GYS2: variants seen among roughly 807,000 people sequenced by gnomAD.
The protein encoded by GYS2 is glycogen [starch] synthase, liver.
GYS2 carries 80 observed loss-of-function variants against 85.6 expected under a neutral mutation model. The observed-to-expected ratio is 0.93, with a 90% confidence interval of 0.78 to 1.13. The LOEUF (loss-of-function observed/expected upper bound fraction) is 1.13, where lower values mean the gene tolerates loss of function less well. GYS2 is among the 50% of genes most tolerant of loss of function. The pLI is 0.00. For missense variants in GYS2, 881 were observed against 854.9 expected, an observed-to-expected ratio of 1.03 and a Z score of -0.38; for synonymous variants, 328 against 300.7, an observed-to-expected ratio of 1.09 and a Z score of -0.94.
chr12:21,556,357 G>A (rs1159338680), intron 11 of GYS2, among the ~76,000 whole-genome samples: 7 of 152,076 alleles, frequency 4.6e-5, no homozygotes, highest in Non-Finnish European at 7.4e-5. Context: ...TTTTTGTAGA[G>A]ACAGGGTTTC....
intron 15 of GYS2, among the ~76,000 whole-genome samples, chr12:21,538,078 A>G (rs917040989): frequency 4.6e-5 from 7 of 152,194 alleles, no homozygotes; most frequent in Non-Finnish European, 8.8e-5. Context: ...ATTAGACGTA[A>G]TAACTGGATA....
intron 1 of GYS2, among the ~76,000 whole-genome samples, chr12:21,594,868 A>G (rs1029271053): frequency 1.3e-5 from 2 of 152,210 alleles, no homozygotes; most frequent in Non-Finnish European, 2.9e-5. Context: ...ATAGGAACCT[A>G]AACAGCATGA....
chr12:21,568,799 A>T, intron 5 of GYS2, 66 bp downstream of exon 5: 1 of 1,439,324 alleles, frequency 6.9e-7, no homozygotes, highest in Non-Finnish European at 9.8e-7. Flanking sequence ...CACGATGGAA[A>T]ACAAAATCCT....
At chr12:21,584,208 C>T (rs994432478) in intron 1 of GYS2, among the ~76,000 whole-genome samples, 1 of 152,076 alleles carries the variant, frequency 6.6e-6, no homozygotes, top group African/African-American at 2.4e-5. Flanking sequence ...GCCAGATTTG[C>T]GATTATATAC....
At chr12:21,559,262 T>C (rs1166911732) in intron 9 of GYS2, 93 bp from the exon 10 acceptor site, 3 of 648,838 alleles carry the variant, frequency 4.6e-6, no homozygotes, top group Non-Finnish European at 8.1e-6. Context: ...ATATTTCATG[T>C]ATTTTAATAA....
At chr12:21,572,998 C>A (rs1480573643) in intron 4 of GYS2, among the ~76,000 whole-genome samples, 2 of 152,160 alleles carry the variant, frequency 1.3e-5, no homozygotes, top group African/African-American at 4.8e-5. Context: ...CCGCTAAGAA[C>A]CTCCCAGATC....
chr12:21,583,449 G>T (rs1313005175), intron 1 of GYS2, among the ~76,000 whole-genome samples: 1 of 152,196 alleles, frequency 6.6e-6, no homozygotes, highest in Non-Finnish European at 1.5e-5. Flanking sequence ...CCAAAAGGCT[G>T]CCAGTTTTGA....
rs73085391 is a variant in GYS2, at chr12:21,572,403, A to G, written c.678+1741T>C. On this transcript the variant is annotated intron_variant, in intron 4 of 15. Transcript: ENST00000261195. ...TGGTTCCTGCATCAAAGATTAAACT[A>G]TGACTTCTTCCTTATACTGAAATTT... Among the ~76,000 whole-genome samples the G allele has an allele frequency of 3.0e-3, 453 of 152,344 alleles. 1 individual carries two copies. The highest frequency in any genetic ancestry group is 5.2e-3 in the Non-Finnish European group (355 of 68,032).
At chr12:21,573,159 G>A (rs996132215) in intron 4 of GYS2, among the ~76,000 whole-genome samples, 3 of 152,154 alleles carry the variant, frequency 2.0e-5, no homozygotes, top group Admixed American at 6.5e-5. Context: ...CAGAAAGAAC[G>A]TTCTTGCGCT....
intron 1 of GYS2, among the ~76,000 whole-genome samples, chr12:21,587,403 G>A (rs1944586351): frequency 6.6e-6 from 1 of 152,192 alleles, no homozygotes; most frequent in South Asian, 2.1e-4. Context: ...TTGTGGGAGG[G>A]ATTTGGAGGG....
chr12:21,542,370 C>A (rs1254693189), intron 13 of GYS2, 126 bp downstream of exon 13: 4 of 732,758 alleles, frequency 5.5e-6, no homozygotes, highest in African/African-American at 5.3e-5. Flanking sequence ...TTTAATTAAA[C>A]AAGAAATATA....
downstream of GYS2, among the ~76,000 whole-genome samples, chr12:21,535,553 C>A (rs896288402): frequency 6.6e-6 from 1 of 152,168 alleles, no homozygotes; most frequent in Non-Finnish European, 1.5e-5. Context: ...TTCCAGCTAT[C>A]TTCCATTTTT....
intron 1 of GYS2, among the ~76,000 whole-genome samples, chr12:21,599,720 C>T (rs1215463985): frequency 2.6e-5 from 4 of 152,146 alleles, no homozygotes; most frequent in African/African-American, 9.7e-5. Flanking sequence ...ATTGAAGTAA[C>T]ATTGATGTAT....
chr12:21,549,423 CA>C (rs1944080230), intron 11 of GYS2, among the ~76,000 whole-genome samples: 1 of 152,180 alleles, frequency 6.6e-6, no homozygotes, highest in Non-Finnish European at 1.5e-5. Flanking sequence ...TAATCTTACA[CA>C]AACATAAAAG....
chr12:21,536,993 A>G lies in GYS2; in HGVS notation c.2073T>C (p.Pro691=), dbSNP rs376999864. 37 of 1,613,846 alleles carry G rather than the reference A, an allele frequency of 2.3e-5. No individual in the cohort carries two copies. Among genetic ancestry groups the G allele is most frequent in the Non-Finnish European group, 3.0e-5 (35 of 1,179,862 alleles). Reference sequence around the variant, plus strand: ...CACCATGCAGCTTTTTCTTCCCATGAGGAACGTGGCTCAGTGAAAATGGTG... The same window carrying G: ...CACCATGCAGCTTTTTCTTCCCATGGGGAACGTGGCTCAGTGAAAATGGTG... ...IKSPFSLSHV[P]HGKKKLHGEY... is the part of the protein sequence containing the mutation. The change falls in exon 16 of 16, where the codon CCT becomes CCC. Residue 691 remains proline (P), a synonymous_variant. Transcript: ENST00000261195.
intron 11 of GYS2, among the ~76,000 whole-genome samples, chr12:21,550,005 C>A (rs1014059169): frequency 2.6e-5 from 4 of 151,998 alleles, no homozygotes; most frequent in African/African-American, 9.7e-5. Flanking sequence ...CATCCTAATT[C>A]CTTACTATCT....
intron 11 of GYS2, 24 bp from the exon 12 acceptor site, chr12:21,546,494 A>T (rs960944280): frequency 2.1e-6 from 3 of 1,447,020 alleles, no homozygotes; most frequent in Non-Finnish European, 2.9e-6. Flanking sequence ...ATTCTAATTT[A>T]AAAAAAAAGA....
chr12:21,604,402 G>T, intron 1 of GYS2, 70 bp downstream of exon 1: 1 of 941,456 alleles, frequency 1.1e-6, no homozygotes, highest in Non-Finnish European at 1.8e-6. Flanking sequence ...AGTTATCTGT[G>T]AAATCTTACT....
At chr12:21,591,142 A>C (rs1034056572) in intron 1 of GYS2, among the ~76,000 whole-genome samples, 1 of 152,192 alleles carries the variant, frequency 6.6e-6, no homozygotes, top group African/African-American at 2.4e-5. Flanking sequence ...GCCAGTGGAA[A>C]AAAAAGACAT....
Sources: gnomAD v4.1 joint callset for allele counts (sites outside exome capture counted in the v4.1 genomes callset) on GRCh38, gnomAD v4.1.1 for gene constraint, MANE v1.5 for transcripts, NCBI Gene and HGNC (gene_info 2026-07-23, HGNC 2026-07-21) for gene names.